Variants in CHN1 observed in about 807,000 individuals in gnomAD.
CHN1 encodes the protein N-chimaerin.
Under a neutral mutation model 59.5 loss-of-function variants are expected in CHN1, and 37 were observed. The observed-to-expected ratio is 0.62, with a 90% CI of 0.48 to 0.82. The LOEUF (loss-of-function observed/expected upper bound fraction) is 0.82, where lower values mean the gene tolerates loss of function less well. Ranked by LOEUF, CHN1 falls within the 40% of genes least tolerant of loss-of-function variation. The pLI is 0.00. For synonymous variants in CHN1, 206 were observed against 200.4 expected (o/e 1.03, Z -0.24); for missense variants, 469 against 571.0 (o/e 0.82, Z 1.82).
intron 7 of CHN1, among the ~76,000 whole-genome samples, chr2:174,829,975 T>G (rs1024544991): frequency 7.2e-5 from 11 of 152,132 alleles, no homozygotes; most frequent in African/African-American, 2.7e-4. Flanking sequence ...ATATGGAATT[T>G]AGAAATCAAA....
In CHN1 at chr2:175,005,326, C is replaced by T; in HGVS notation, c.-414G>A. 8.5e-7 allele frequency: 1 copy of T among 1,174,148 alleles called. No individual in the cohort carries two copies. The allele number at this position is 1,174,148 out of a possible 1,614,324, so 72.7% of individuals were successfully genotyped here. On this transcript the variant is annotated 5_prime_UTR_variant, in exon 1 of 13. Coordinates refer to ENST00000409900, the MANE Select transcript of CHN1 (RefSeq NM_001822.7). ...GCCTCGCACAGCCCCCGGCGGGGCG[C>T]GCTCACTCCGCATCCCGCGGCCTCG...
intron 2 of CHN1, among the ~76,000 whole-genome samples, chr2:174,950,608 A>T (rs1307295346): frequency 6.6e-6 from 1 of 152,120 alleles, no homozygotes. Context: ...TACAAAAAAT[A>T]CCAGTTGCAT....
intron 3 of CHN1, among the ~76,000 whole-genome samples, chr2:174,927,751 A>C (rs559167644): frequency 6.6e-6 from 1 of 152,354 alleles, no homozygotes; most frequent in African/African-American, 2.4e-5. Flanking sequence ...TCATTGGGTC[A>C]GAAGTCAAAG....
At chr2:174,802,252 T>A (rs1019969639) in intron 11 of CHN1, among the ~76,000 whole-genome samples, 4 of 152,246 alleles carry the variant, frequency 2.6e-5, no homozygotes, top group Non-Finnish European at 5.9e-5. Context: ...ATACTAACCA[T>A]GTCACTCCAT....
intron 5 of CHN1, among the ~76,000 whole-genome samples, chr2:174,910,129 A>G (rs1688648485): frequency 1.3e-5 from 2 of 152,192 alleles, no homozygotes; most frequent in African/African-American, 4.8e-5. Context: ...TTCAATCTAT[A>G]CATTACATAG....
intron 1 of CHN1, 114 bp from the exon 2 acceptor site, chr2:174,952,316 G>T: frequency 1.5e-6 from 1 of 653,456 alleles, no homozygotes; most frequent in Non-Finnish European, 2.4e-6. Context: ...TCTAGGTATT[G>T]TGCTAGGCAC....
intron 3 of CHN1, among the ~76,000 whole-genome samples, chr2:174,920,025 A>C (rs1688964619): frequency 6.6e-6 from 1 of 152,194 alleles, no homozygotes; most frequent in Non-Finnish European, 1.5e-5. Flanking sequence ...TAGATTCCAC[A>C]AGTGAGATCA....
At chr2:174,881,457 TA>T (rs1193537704) in intron 5 of CHN1, among the ~76,000 whole-genome samples, 1 of 152,100 alleles carries the variant, frequency 6.6e-6, no homozygotes, top group African/African-American at 2.4e-5. Flanking sequence ...ATTCTGCATC[TA>T]AAAAATAGGA....
intron 7 of CHN1, among the ~76,000 whole-genome samples, chr2:174,828,481 C>CT (rs1219579216): frequency 6.6e-6 from 1 of 152,166 alleles, no homozygotes; most frequent in African/African-American, 2.4e-5. Flanking sequence ...TTTAAAAAAT[C>CT]AATTGCACAA....
intron 5 of CHN1, among the ~76,000 whole-genome samples, chr2:174,901,100 C>T (rs1409987137): frequency 6.6e-6 from 1 of 152,202 alleles, no homozygotes; most frequent in East Asian, 1.9e-4. Context: ...TATTGATCTA[C>T]TTCAGCTGTT....
At chr2:174,846,163 A>G (rs1389431509) in intron 7 of CHN1, 2 of 1,049,392 alleles carry the variant, frequency 1.9e-6, no homozygotes, top group Non-Finnish European at 2.5e-6. Context: ...TTAGATTGCA[A>G]AGGACAGAAA....
chr2:174,846,578 TA>T (rs1347025319), intron 7 of CHN1, among the ~76,000 whole-genome samples: 2 of 152,136 alleles, frequency 1.3e-5, no homozygotes, highest in Non-Finnish European at 2.9e-5. Flanking sequence ...GTATCACAAA[TA>T]AAAACAATGC....
chr2:174,951,688 G>A (rs1690029176), intron 2 of CHN1, among the ~76,000 whole-genome samples: 1 of 152,174 alleles, frequency 6.6e-6, no homozygotes. Flanking sequence ...GAGCAGCATG[G>A]AATCAAGTAT....
Position 174,821,221 on chromosome 2 carries a change from G to C in CHN1, c.712+3213C>G, listed in dbSNP as rs76572073. Among the ~76,000 whole-genome samples, 315 of 152,202 alleles carry C rather than the reference G, an allele frequency of 2.1e-3. 4 individuals are homozygous for C. The highest frequency in any genetic ancestry group is 6.6e-3 in the African/African-American group (274 of 41,538). On this transcript the variant is annotated intron_variant, in intron 8 of 12. Transcript: ENST00000409900. Reference sequence around the variant, plus strand: ...TGTTAGCGGGTCTGCATTTCTTCTGGAGGCTTAGGGGAGAATCCACTTCTT... The same window carrying C: ...TGTTAGCGGGTCTGCATTTCTTCTGCAGGCTTAGGGGAGAATCCACTTCTT...
At chr2:174,940,313 C>T (rs1045697945) in intron 3 of CHN1, among the ~76,000 whole-genome samples, 3 of 152,138 alleles carry the variant, frequency 2.0e-5, no homozygotes, top group Admixed American at 6.5e-5. Flanking sequence ...AGGCGTGAGC[C>T]GCCACGCCCA....
chr2:174,929,718 T>C (rs1574177537), intron 3 of CHN1, among the ~76,000 whole-genome samples: 1 of 152,238 alleles, frequency 6.6e-6, no homozygotes, highest in Non-Finnish European at 1.5e-5. Flanking sequence ...TCAAACTTCT[T>C]TGTATTCACT....
At chr2:174,860,959 T>C (rs1481457115) in intron 6 of CHN1, among the ~76,000 whole-genome samples, 2 of 152,150 alleles carry the variant, frequency 1.3e-5, no homozygotes, top group Non-Finnish European at 2.9e-5. Flanking sequence ...TCAGAAATAA[T>C]ACAGACAGGG....
intron 5 of CHN1, among the ~76,000 whole-genome samples, chr2:174,909,135 G>A (rs1392567285): frequency 2.0e-5 from 3 of 152,164 alleles, no homozygotes; most frequent in Admixed American, 2.0e-4. Context: ...ACTTTAGTAA[G>A]AGATTGACCA....
chr2:174,954,342 T>C (rs1235877968), intron 1 of CHN1, among the ~76,000 whole-genome samples: 1 of 152,206 alleles, frequency 6.6e-6, no homozygotes, highest in Non-Finnish European at 1.5e-5. Context: ...ATAAAAATTC[T>C]AGAAGATAAC....
Sources: allele counts gnomAD v4.1 joint callset (sites outside exome capture counted in the v4.1 genomes callset), GRCh38; gene constraint gnomAD v4.1.1; transcripts MANE v1.5; gene names NCBI Gene and HGNC (gene_info 2026-07-23, HGNC 2026-07-21).